Variants in FBXO9 observed in about 807,000 individuals in gnomAD.
FBXO9 encodes F-box protein 9, also known as F-box only protein 9.
In FBXO9, 43 loss-of-function variants were observed where a neutral mutation model predicts 63.7. The ratio of observed to expected loss-of-function variants is 0.67; its 90% CI spans 0.53 to 0.87. The LOEUF is 0.87. FBXO9 is among the 40% of genes least tolerant of loss of function. The probability of loss-of-function intolerance (pLI) is 0.00; values close to 1 mark genes in which losing one functional copy is unlikely to be tolerated. For synonymous variants in FBXO9, 156 were observed against 171.7 expected (o/e 0.91, Z 0.72); for missense variants, 442 against 533.2 (o/e 0.83, Z 1.68).
In FBXO9 at chr6:53,081,025, G is replaced by A. The variant is rs2127493471; in HGVS notation, c.465G>A (p.Gln155=). ...KMADLLSYFQ[Q]QLTFQESVLK... ...CAGATCTCTTGTCCTACTTCCAGCAGCAACTCACATTTCAGGAGTCTGTGC... is the reference window on the plus strand; with the variant it reads ...CAGATCTCTTGTCCTACTTCCAGCAACAACTCACATTTCAGGAGTCTGTGC... Residue 155 remains glutamine (Q), a synonymous_variant, in exon 6 of 13, where the codon CAG becomes CAA. Transcript: ENST00000323557. 6.2e-7 allele frequency: 1 copy of A among 1,613,618 alleles called. No homozygotes were observed. The highest frequency in any genetic ancestry group is 8.5e-7 in the Non-Finnish European group (1 of 1,179,884).
chr6:53,073,443 C>G, intron 2 of FBXO9, 38 bp from the exon 3 acceptor site: 2 of 1,591,914 alleles, frequency 1.3e-6, no homozygotes, highest in Non-Finnish European at 1.7e-6. Flanking sequence ...TTGAGCTACC[C>G]TTCCTTGATG....
At position 53,065,704 on chromosome 6, in the gene FBXO9, AC is replaced by A; in HGVS notation, c.-83del. ...GCTGCAGAGACAGGCAGGAGTAGAC[AC>A]CCGGACACCCAGCACCCCTCCTCCG... is the stretch of plus-strand genomic sequence containing the variant. On this transcript the variant is annotated 5_prime_UTR_variant, in exon 1 of 13. Coordinates refer to ENST00000323557, the MANE Select transcript of FBXO9 (RefSeq NM_033480.3). 2 of 1,403,864 alleles carry A rather than the reference AC, an allele frequency of 1.4e-6. No homozygotes were observed. Among genetic ancestry groups the A allele is most frequent in the Non-Finnish European group, 1.9e-6 (2 of 1,070,712 alleles). 87.0% of individuals were successfully genotyped at this position (1,403,864 alleles called of 1,614,324 possible). A position where few individuals can be genotyped will look rare whatever the true frequency, so the allele number is the denominator to read the frequency against.
intron 4 of FBXO9, among the ~76,000 whole-genome samples, chr6:53,077,429 C>T (rs1397943817): frequency 1.4e-5 from 2 of 146,758 alleles, no homozygotes; most frequent in East Asian, 4.0e-4. Flanking sequence ...GCCGAGATCC[C>T]GCCACTGCAC....
At chr6:53,080,837 A>G (rs565417389) in intron 5 of FBXO9, 131 bp from the exon 6 acceptor site, 58 of 907,844 alleles carry the variant, frequency 6.4e-5, no homozygotes, top group Non-Finnish European at 7.1e-5. Flanking sequence ...CACATTTAAA[A>G]ATGTATCACA....
rs143691853 is a variant in FBXO9 at position 53,066,940 on chromosome 6, T to C, written c.3+1148T>C. ...TAATAGTTTGTTTTTGTGATCATAC[T>C]GTCAAAATCAAAGTAAGAATGGTTT... On this transcript the variant is annotated intron_variant, in intron 1 of 12. Transcript: ENST00000323557. Among the ~76,000 whole-genome samples, 156 of 152,380 alleles carry C rather than the reference T, an allele frequency of 1.0e-3. 5 individuals are homozygous for C. In the East Asian group the frequency reaches 0.024, roughly 24 times the overall value.
chr6:53,073,366 A>T, intron 2 of FBXO9, 115 bp from the exon 3 acceptor site: 1 of 619,292 alleles, frequency 1.6e-6, no homozygotes, highest in Non-Finnish European at 2.6e-6. Context: ...TGATTTCTGG[A>T]CTTAGAGTAA....
At chr6:53,093,164 T>C (rs1763095878) in intron 9 of FBXO9, 1 of 391,524 alleles carries the variant, frequency 2.6e-6, no homozygotes, top group South Asian at 6.8e-5. Flanking sequence ...TCTCACTTTG[T>C]TTGAAATTGT....
At chr6:53,077,284 CTAAAA>C (rs1769146920) in intron 4 of FBXO9, among the ~76,000 whole-genome samples, 1 of 151,680 alleles carries the variant, frequency 6.6e-6, no homozygotes, top group African/African-American at 2.4e-5. Context: ...ACCATCCCGG[CTAAAA>C]CGGTGAAACC....
rs1214747518 is a variant in FBXO9, at chr6:53,078,842, A to T, written c.351A>T (p.Ile117=). 2.5e-6 allele frequency: 4 copies of T among 1,613,806 alleles called. No individual in the cohort carries two copies. Among genetic ancestry groups the T allele is most frequent in the Non-Finnish European group, 3.4e-6 (4 of 1,179,818 alleles). The change falls in exon 5 of 13, where the codon ATA becomes ATT. Residue 117 remains isoleucine (I), a synonymous_variant. Transcript: ENST00000323557. Reference sequence around the variant, plus strand: ...GGGCTATGCAACTTGTACCTGATATAGAGTTCAAGATTACTTATACCCGGT... The same window carrying T: ...GGGCTATGCAACTTGTACCTGATATTGAGTTCAAGATTACTTATACCCGGT... ...YRRAMQLVPD[I]EFKITYTRSP...
rs1193113559 is a variant in FBXO9, at chr6:53,073,557, G to A, written c.167G>A (p.Arg56Gln). Residue 56 changes from arginine to glutamine, a missense_variant, in exon 3 of 13, where the codon CGA becomes CAA. Physicochemically the swap from Arg to Gln is conservative, Grantham distance 43. Around this residue, in one of 2 missense-constraint regions of FBXO9, gnomAD observed 180 missense variants for 171.1 expected, o/e 1.05. Coordinates refer to ENST00000323557, the MANE Select transcript of FBXO9 (RefSeq NM_033480.3). Reference protein sequence around the residue: ...PGVSSSNLENRPCRAARGSLQ... With the variant: ...PGVSSSNLENQPCRAARGSLQ... ...GTAAGCTCTAGCAATTTAGAAAATC[G>A]ACCTTGCAGAGCAGCAAGAGGCTCT... is the stretch of plus-strand genomic sequence containing the variant. The A allele has an allele frequency of 2.9e-5, 47 of 1,612,754 alleles. No individual in the cohort carries two copies. The highest frequency in any genetic ancestry group is 3.6e-5 in the Non-Finnish European group (43 of 1,179,420).
At chr6:53,074,535 G>A (rs1769033157) in intron 3 of FBXO9, among the ~76,000 whole-genome samples, 1 of 152,194 alleles carries the variant, frequency 6.6e-6, no homozygotes, top group South Asian at 2.1e-4. Context: ...ATAAATAGTT[G>A]TTTGCAGTTT....
intron 7 of FBXO9, among the ~76,000 whole-genome samples, chr6:53,086,762 T>C (rs576628556): frequency 1.3e-5 from 2 of 152,308 alleles, no homozygotes; most frequent in South Asian, 4.1e-4. Context: ...ATTGCTCTTC[T>C]AGACCTTTAA....
chr6:53,066,330 G>A (rs1184046433), intron 1 of FBXO9, among the ~76,000 whole-genome samples: 1 of 152,224 alleles, frequency 6.6e-6, no homozygotes, highest in Non-Finnish European at 1.5e-5. Flanking sequence ...TTGGCAGGCG[G>A]TCCTGGCGGA....
intron 7 of FBXO9, among the ~76,000 whole-genome samples, chr6:53,087,036 A>AAACAAC (rs200987070): frequency 1.3e-5 from 2 of 151,948 alleles, no homozygotes; most frequent in Non-Finnish European, 2.9e-5. Flanking sequence ...CCTGTCTCAA[A>AAACAAC]AACAACAACA....
intron 7 of FBXO9, among the ~76,000 whole-genome samples, chr6:53,084,085 A>G (rs1376241818): frequency 6.6e-6 from 1 of 152,252 alleles, no homozygotes; most frequent in African/African-American, 2.4e-5. Context: ...ATGCTGGGCC[A>G]GCGTTATTGT....
At chr6:53,088,107 C>T (rs1364187863) in intron 7 of FBXO9, among the ~76,000 whole-genome samples, 1 of 152,020 alleles carries the variant, frequency 6.6e-6, no homozygotes, top group Non-Finnish European at 1.5e-5. Context: ...AAAATATATC[C>T]TTGTAACTTT....
intron 4 of FBXO9, among the ~76,000 whole-genome samples, chr6:53,077,335 T>A (rs1769149461): frequency 6.6e-6 from 1 of 150,574 alleles, no homozygotes; most frequent in African/African-American, 2.4e-5. Flanking sequence ...TTAGCCGGCG[T>A]AGTGGCGGGC....
rs1299992521 is a variant in FBXO9 at position 53,097,714 on chromosome 6, T to C, written c.1206-8T>C. ...TCATACTAGTAATTTTGTGCTTTTT[T>C]TTTACAGATCAACTGGTGAGACTGC... On this transcript the variant is annotated splice_region_variant and splice_polypyrimidine_tract_variant and intron_variant, in intron 12 of 12. Coordinates refer to ENST00000323557, the MANE Select transcript of FBXO9 (RefSeq NM_033480.3). The C allele has an allele frequency of 1.3e-6, 2 of 1,572,034 alleles. No individual in the cohort carries two copies. Among genetic ancestry groups the C allele is most frequent in the Admixed American group, 3.5e-5 (2 of 57,466 alleles).
Position 53,071,130 on chromosome 6 carries a change from A to C in FBXO9, c.77A>C (p.Glu26Ala), listed in dbSNP as rs769878268. 4.5e-6 allele frequency: 7 copies of C among 1,560,996 alleles called. No homozygotes were observed. In the African/African-American group the frequency reaches 6.8e-5, roughly 15 times the overall value. Residue 26 changes from glutamate to alanine, a missense_variant, in exon 2 of 13, where the codon GAA becomes GCA. This residue lies in a region of FBXO9 where 180 missense variants were observed against 171.1 expected (regional missense o/e 1.05). Transcript: ENST00000323557. ...GATGAAGAAAATGAAAGTCCTGCTG[A>C]AACAGATCTGCAGGCATGTTTCTTC... ...DDDEENESPA[E>A]TDLQAQLQMF...
Sources: allele counts gnomAD v4.1 joint callset (sites outside exome capture counted in the v4.1 genomes callset), GRCh38; gene constraint gnomAD v4.1.1; regional missense constraint gnomAD v4.1.1; transcripts MANE v1.5; gene names NCBI Gene and HGNC (gene_info 2026-07-23, HGNC 2026-07-21).